The following GRID2 variants were observed in gnomAD, a reference collection of about 807,000 sequenced individuals.
The protein encoded by GRID2 is glutamate receptor ionotropic, delta-2.
GRID2 carries 33 observed loss-of-function variants against 114.8 expected under a neutral mutation model. The ratio of observed to expected loss-of-function variants is 0.29; its 90% CI spans 0.22 to 0.38. The LOEUF is 0.38. Ranked by LOEUF, GRID2 falls within the 10% of genes least tolerant of loss-of-function variation. GRID2 has a pLI of 1.00. For synonymous variants in GRID2, 505 were observed against 449.9 expected (o/e 1.12, Z -1.55); for missense variants, 1,184 against 1,257.7 (o/e 0.94, Z 0.89).
intron 2 of GRID2, among the ~76,000 whole-genome samples, chr4:92,614,220 G>A (rs570869494): frequency 1.3e-4 from 20 of 151,534 alleles, no homozygotes; most frequent in African/African-American, 4.3e-4. Context: ...AGCATCCTCA[G>A]TTCTACTTTA....
chr4:92,652,797 G>GAA lies in GRID2; in HGVS notation c.244+62520_244+62521dup, dbSNP rs1237515009. ...TCAAGACCAGCCTGGCCAAGATGGTGAAAAAAAAAATATATATATATATAT... is the reference window on the plus strand; with the variant it reads ...TCAAGACCAGCCTGGCCAAGATGGTGAAAAAAAAAAAATATATATATATATAT... On this transcript the variant is annotated intron_variant, in intron 2 of 15. Transcript: ENST00000282020. Among the ~76,000 whole-genome samples the GAA allele has an allele frequency of 9.6e-3, 1,100 of 114,684 alleles. 36 individuals carry two copies. The highest frequency in any genetic ancestry group is 0.036 in the African/African-American group (1,042 of 29,022). The allele number at this position is 114,684 out of a possible 152,430, so 75.2% of individuals were successfully genotyped here. A position where few individuals can be genotyped will look rare whatever the true frequency, so the allele number is the denominator to read the frequency against.
At chr4:92,917,115 G>A (rs573958138) in intron 2 of GRID2, among the ~76,000 whole-genome samples, 1 of 152,270 alleles carries the variant, frequency 6.6e-6, no homozygotes, top group African/African-American at 2.4e-5. Flanking sequence ...GACCAGTGAT[G>A]ATGAGCATTT....
chr4:92,940,994 A>G (rs1301884288), intron 2 of GRID2, among the ~76,000 whole-genome samples: 2 of 152,202 alleles, frequency 1.3e-5, no homozygotes, highest in East Asian at 1.9e-4. Flanking sequence ...GGATTTTTGC[A>G]TTGATGTTCA....
chr4:93,112,487 G>C (rs4692978), intron 4 of GRID2, among the ~76,000 whole-genome samples: 82,491 of 151,844 alleles, frequency 0.54, 23,889 homozygotes, highest in African/African-American at 0.72. Context: ...GCTGCGCTCT[G>C]ACTCTCTCCT....
intron 8 of GRID2, among the ~76,000 whole-genome samples, chr4:93,287,273 G>A (rs1753280790): frequency 6.6e-6 from 1 of 152,138 alleles, no homozygotes; most frequent in African/African-American, 2.4e-5. Context: ...ATTTATGAGA[G>A]AAAGTCTGGA....
At chr4:92,715,181 AG>A (rs1212046201) in intron 2 of GRID2, among the ~76,000 whole-genome samples, 3 of 152,192 alleles carry the variant, frequency 2.0e-5, no homozygotes, top group Non-Finnish European at 4.4e-5. Context: ...TTTCTAGGAC[AG>A]GGGCAAAATG....
intron 2 of GRID2, among the ~76,000 whole-genome samples, chr4:93,007,520 G>C (rs1330952828): frequency 6.6e-6 from 1 of 152,040 alleles, no homozygotes; most frequent in East Asian, 1.9e-4. Context: ...CTGGCATCAA[G>C]ATTATAAAGA....
intron 2 of GRID2, among the ~76,000 whole-genome samples, chr4:92,968,394 C>T (rs563364646): frequency 6.6e-6 from 1 of 151,976 alleles, no homozygotes; most frequent in African/African-American, 2.4e-5. Context: ...GCATGTCTGG[C>T]CTTTGAATTT....
chr4:92,489,339 A>G (rs1372310241), intron 1 of GRID2, among the ~76,000 whole-genome samples: 1 of 152,178 alleles, frequency 6.6e-6, no homozygotes, highest in Non-Finnish European at 1.5e-5. Flanking sequence ...AATACATCAA[A>G]ATTATATAAT....
At chr4:93,504,652 G>A (rs1728452933) in intron 12 of GRID2, among the ~76,000 whole-genome samples, 1 of 152,006 alleles carries the variant, frequency 6.6e-6, no homozygotes, top group African/African-American at 2.4e-5. Flanking sequence ...TAAACCATCT[G>A]TCAATTATAA....
chr4:93,471,872 G>T (rs1243853818), intron 11 of GRID2, among the ~76,000 whole-genome samples: 1 of 148,140 alleles, frequency 6.8e-6, no homozygotes, highest in African/African-American at 2.5e-5. Context: ...GCTAATTTTT[G>T]TATTTTTAGG....
intron 2 of GRID2, among the ~76,000 whole-genome samples, chr4:92,592,385 G>A (rs561812258): frequency 2.6e-5 from 4 of 151,944 alleles, no homozygotes; most frequent in South Asian, 2.1e-4. Context: ...GTGAGAAACC[G>A]GAATTATAAA....
intron 2 of GRID2, among the ~76,000 whole-genome samples, chr4:92,899,811 CATAATGA>C (rs1747441132): frequency 2.0e-5 from 3 of 152,180 alleles, no homozygotes; most frequent in African/African-American, 7.2e-5. Flanking sequence ...TAGCAATAAA[CATAATGA>C]ATAAACACAT....
chr4:92,776,569 AATTAG>A lies in GRID2; in HGVS notation c.244+186288_244+186292del, dbSNP rs560009073. On this transcript the variant is annotated intron_variant, in intron 2 of 15. Transcript: ENST00000282020. Reference sequence around the variant, plus strand: ...GTTGCATAATAAAACTGTTACGGTCAATTAGATTATTTTTTGACTGTTCGTTTTTA... The same window carrying A: ...GTTGCATAATAAAACTGTTACGGTCAATTATTTTTTGACTGTTCGTTTTTA... Among the ~76,000 whole-genome samples the A allele has an allele frequency of 2.0e-5, 3 of 151,996 alleles. No individual in the cohort carries two copies. The South Asian group carries it at 6.2e-4, about 32-fold the overall frequency.
chr4:93,586,238 C>A (rs1157275125), intron 13 of GRID2, among the ~76,000 whole-genome samples: 1 of 152,108 alleles, frequency 6.6e-6, no homozygotes, highest in Non-Finnish European at 1.5e-5. Context: ...CCAGTTCAGA[C>A]ATCTGGGGTC....
chr4:93,056,398 A>G (rs1337483033), intron 2 of GRID2, among the ~76,000 whole-genome samples: 1 of 151,888 alleles, frequency 6.6e-6, no homozygotes, highest in Non-Finnish European at 1.5e-5. Context: ...GATCAGAATC[A>G]GCCACTGCGT....
intron 1 of GRID2, among the ~76,000 whole-genome samples, chr4:92,519,194 G>C (rs1209943781): frequency 2.6e-5 from 4 of 151,534 alleles, no homozygotes; most frequent in Non-Finnish European, 5.9e-5. Flanking sequence ...GCATAGGATG[G>C]CATGAATTTT....
chr4:93,202,632 A>G (rs1742228164), intron 4 of GRID2, among the ~76,000 whole-genome samples: 1 of 152,180 alleles, frequency 6.6e-6, no homozygotes, highest in Admixed American at 6.5e-5. Flanking sequence ...AGAGCATTAT[A>G]TAGCTGCAAG....
At chr4:92,644,519 T>C (rs1731517041) in intron 2 of GRID2, among the ~76,000 whole-genome samples, 1 of 151,726 alleles carries the variant, frequency 6.6e-6, no homozygotes, top group South Asian at 2.1e-4. Flanking sequence ...CTATTAACTT[T>C]TATAGATGTC....
Sources: gnomAD v4.1 joint callset for allele counts (sites outside exome capture counted in the v4.1 genomes callset) on GRCh38, gnomAD v4.1.1 for gene constraint, MANE v1.5 for transcripts, NCBI Gene and HGNC (gene_info 2026-07-23, HGNC 2026-07-21) for gene names.